Variants in CEP104 observed in about 807,000 individuals in gnomAD.
The protein encoded by CEP104 is centrosomal protein of 104 kDa.
In CEP104, 84 loss-of-function variants were observed where a neutral mutation model predicts 113.3. That is an observed-to-expected ratio of 0.74 (90% confidence interval 0.62 to 0.89). The LOEUF (loss-of-function observed/expected upper bound fraction) is 0.89. Ranked by LOEUF, CEP104 falls within the 40% of genes least tolerant of loss-of-function variation. The probability of loss-of-function intolerance (pLI) is 0.00; values close to 1 mark genes in which losing one functional copy is unlikely to be tolerated. For missense variants in CEP104, 1,053 were observed against 1,156.6 expected (o/e 0.91, Z 1.30); for synonymous variants, 378 against 421.7 (o/e 0.90, Z 1.27).
In CEP104 at chr1:3,831,165, G is replaced by A; in HGVS notation, c.1717C>T (p.Gln573Ter). The change falls in exon 13 of 22, where the codon CAG becomes TAG. Residue 573 changes from glutamine to a stop codon, truncating the protein, a stop_gained. Transcript: ENST00000378230. LOFTEE classifies it high-confidence loss of function. ...SLQIIPSYLV[Q>*]PLKANSSVHL... ...ACTGAAGAGTTTGCTTTCAATGGCT[G>A]CACCAGGTAGGATGGAATAATTTGG... 6.2e-7 allele frequency: 1 copy of A among 1,614,228 alleles called. No homozygotes were observed. Among genetic ancestry groups the A allele is most frequent in the African/African-American group, 1.3e-5 (1 of 75,068 alleles).
intron 20 of CEP104, among the ~76,000 whole-genome samples, chr1:3,818,573 C>T (rs148217888): frequency 6.6e-6 from 1 of 152,310 alleles, no homozygotes; most frequent in Non-Finnish European, 1.5e-5. Flanking sequence ...AACTGGCTGG[C>T]ATAGGGCCCG....
At chr1:3,849,834 A>T (rs990875558) in intron 2 of CEP104, among the ~76,000 whole-genome samples, 7 of 83,326 alleles carry the variant, frequency 8.4e-5, no homozygotes, top group Non-Finnish European at 1.9e-4. Flanking sequence ...AATCTTTATT[A>T]AAAAAAAAAA....
At chr1:3,820,153 G>A (rs1643943114) in intron 20 of CEP104, among the ~76,000 whole-genome samples, 1 of 152,132 alleles carries the variant, frequency 6.6e-6, no homozygotes, top group East Asian at 1.9e-4. Flanking sequence ...TACGCCTGGT[G>A]ACAGCCTTAC....
At chr1:3,845,025 A>G in intron 5 of CEP104, 42 bp from the exon 6 acceptor site, 7 of 1,489,708 alleles carry the variant, frequency 4.7e-6, no homozygotes, top group Non-Finnish European at 6.6e-6. Flanking sequence ...AGAGAGAAAG[A>G]GGAACAACAC....
intron 2 of CEP104, 56 bp from the exon 3 acceptor site, chr1:3,848,837 A>G (rs1307684605): frequency 9.7e-6 from 14 of 1,442,932 alleles, no homozygotes; most frequent in Non-Finnish European, 1.3e-5. Flanking sequence ...GGGTTTCTAG[A>G]TGCTAGCATC....
intron 20 of CEP104, among the ~76,000 whole-genome samples, chr1:3,822,081 G>A (rs1339231307): frequency 6.6e-6 from 1 of 152,236 alleles, no homozygotes; most frequent in African/African-American, 2.4e-5. Flanking sequence ...TTACAAGAGA[G>A]GGGAGCACGT....
chr1:3,856,131 G>A (rs779324820), intron 1 of CEP104, among the ~76,000 whole-genome samples: 8 of 152,246 alleles, frequency 5.3e-5, no homozygotes, highest in Non-Finnish European at 1.2e-4. Context: ...AAGTGTGACT[G>A]CGCGCGGTGG....
intron 20 of CEP104, among the ~76,000 whole-genome samples, chr1:3,820,295 G>C (rs949247164): frequency 1.3e-5 from 2 of 152,200 alleles, no homozygotes; most frequent in Non-Finnish European, 2.9e-5. Flanking sequence ...TGAAATCAGA[G>C]GGGATGATGG....
At chr1:3,852,565 A>AT (rs913697739) in intron 1 of CEP104, 144 bp from the exon 2 acceptor site, 1,372 of 712,038 alleles carry the variant, frequency 1.9e-3, no homozygotes, top group South Asian at 2.7e-3. Flanking sequence ...AAAAGAGTCT[A>AT]TTTTTTTTTG....
Position 3,823,300 on chromosome 1 carries a change from G to C in CEP104, c.2504-59C>G, listed in dbSNP as rs1378419838. On this transcript the variant is annotated intron_variant, in intron 19 of 21. Transcript: ENST00000378230. This position sits in a 1 kb window ranked among gnomAD's most constrained non-coding sequence, Gnocchi z 4.1. ...TGAATGACAGGCGACAAGACATGCT[G>C]CTGGCCTGCCCGCAGGTGCCCTTTA... 2 of 1,608,792 alleles carry C rather than the reference G, an allele frequency of 1.2e-6. No individual in the cohort carries two copies. Among genetic ancestry groups the C allele is most frequent in the Non-Finnish European group, 1.7e-6 (2 of 1,175,292 alleles).
intron 12 of CEP104, 127 bp from the exon 13 acceptor site, chr1:3,831,349 G>C: frequency 5.5e-6 from 4 of 731,560 alleles, no homozygotes; most frequent in Non-Finnish European, 9.1e-6. Flanking sequence ...ATAGTGACAA[G>C]GAGCAATGAG....
intron 4 of CEP104, among the ~76,000 whole-genome samples, chr1:3,846,563 C>G (rs1191600292): frequency 6.6e-6 from 1 of 151,984 alleles, no homozygotes; most frequent in Non-Finnish European, 1.5e-5. Context: ...ATTAAAAAAA[C>G]AAAACTCCAA....
rs1329373364 is a variant in CEP104, at chr1:3,816,340, C to T, written c.2602G>A (p.Gly868Ser). The T allele has an allele frequency of 2.1e-5, 33 of 1,552,936 alleles. No individual in the cohort carries two copies. In the East Asian group the frequency reaches 2.4e-4, roughly 11 times the overall value. The stretch of plus-strand genomic sequence containing the variant: ...GTCTTGCGCAGGTTCATCGTGCAGC[C>T]GGCTGGGCCCATCAGGTGAGCTTTC... ...AWKAHLMGPA[G>S]CTMNLRKTHI... The change falls in exon 21 of 22, where the codon GGC (glycine) becomes AGC (serine). Residue 868 changes from glycine (G) to serine (S), a missense_variant. Physicochemically the swap from Gly to Ser is moderately conservative, Grantham distance 56. Transcript: ENST00000378230.
intron 1 of CEP104, chr1:3,855,914 C>G: frequency 3.0e-6 from 3 of 985,408 alleles, no homozygotes; most frequent in Non-Finnish European, 3.6e-6. Context: ...GGGCAGCCAT[C>G]GACATCCCGA....
rs1643877448 is a variant in CEP104, at chr1:3,816,186, G to A, written c.2662+94C>T. ...CTTTATTTTGCTTTTAAAGGGATGGGGTCTTGCCATGTTGCCCTGGACGGG... is the reference window on the plus strand; with the variant it reads ...CTTTATTTTGCTTTTAAAGGGATGGAGTCTTGCCATGTTGCCCTGGACGGG... On this transcript the variant is annotated intron_variant, in intron 21 of 21. Transcript: ENST00000378230. 4.7e-6 allele frequency: 5 copies of A among 1,058,252 alleles called. No individual in the cohort carries two copies. The Admixed American group carries it at 1.0e-4, about 22-fold the overall frequency. 65.6% of individuals were successfully genotyped at this position (1,058,252 alleles called of 1,614,324 possible).
At chr1:3,856,169 G>A (rs530001821) in intron 1 of CEP104, among the ~76,000 whole-genome samples, 2 of 152,344 alleles carry the variant, frequency 1.3e-5, no homozygotes, top group Admixed American at 6.5e-5. Flanking sequence ...AGCACTTCGG[G>A]AGGCCGAGGA....
intron 18 of CEP104, among the ~76,000 whole-genome samples, chr1:3,824,275 G>A (rs1348219581): frequency 2.0e-5 from 3 of 152,122 alleles, no homozygotes; most frequent in Non-Finnish European, 4.4e-5. Flanking sequence ...TAGTAGAGAC[G>A]GGGTTTCTCC....
chr1:3,855,574 C>T (rs1040353552), intron 1 of CEP104, among the ~76,000 whole-genome samples: 74 of 152,238 alleles, frequency 4.9e-4, no homozygotes, highest in African/African-American at 1.5e-3. Context: ...CTGCCCCCAA[C>T]AAATCTAAAA....
chr1:3,817,149 G>A (rs1643892454), intron 20 of CEP104, among the ~76,000 whole-genome samples: 1 of 152,204 alleles, frequency 6.6e-6, no homozygotes, highest in South Asian at 2.1e-4. Flanking sequence ...TGGCCAGCTT[G>A]GTGAAACCCC....
Sources: gnomAD v4.1 joint callset for allele counts (sites outside exome capture counted in the v4.1 genomes callset) on GRCh38, gnomAD v4.1.1 for gene constraint, Gnocchi (gnomAD v3.1) non-coding constraint, MANE v1.5 for transcripts, NCBI Gene and HGNC (gene_info 2026-07-23, HGNC 2026-07-21) for gene names.